The following KLHL5 variants were observed in gnomAD, a reference collection of about 807,000 sequenced individuals.
KLHL5 encodes kelch like family member 5.
A neutral mutation model predicts 77.7 loss-of-function variants in KLHL5; 48 were observed. That is an observed-to-expected ratio of 0.62 (90% CI 0.49 to 0.79). KLHL5 has a LOEUF of 0.79. Among genes scored for constraint, KLHL5 ranks in the 30% least tolerant of loss-of-function variants. KLHL5 has a pLI of 0.00. For missense variants in KLHL5, 723 were observed against 859.7 expected, an observed-to-expected ratio of 0.84 and a Z score of 1.99; for synonymous variants, 260 against 297.0, an observed-to-expected ratio of 0.88 and a Z score of 1.28.
chr4:39,099,689 C>G (rs2566152), intron 6 of KLHL5, among the ~76,000 whole-genome samples: 113,417 of 152,116 alleles, frequency 0.75, 42,302 homozygotes, highest in East Asian at 0.83. Context: ...TACCAAGGAG[C>G]CCTTCCATGA....
upstream of KLHL5, chr4:39,044,999 C>T: frequency 7.1e-6 from 7 of 992,574 alleles, no homozygotes; most frequent in Non-Finnish European, 7.2e-6. Context: ...GCCGAGCATC[C>T]CACTCAGCTC....
In KLHL5 at chr4:39,121,060, A is replaced by C. The variant is rs1723179914; in HGVS notation, c.2124A>C (p.Lys708Asn). The change falls in exon 11 of 11, where the codon AAA (lysine) becomes AAC (asparagine). Residue 708 changes from lysine to asparagine, a missense_variant. Coordinates refer to ENST00000504108, the MANE Select transcript of KLHL5 (RefSeq NM_015990.5). ...CTGGAGCTTGTGTTGTGACTGTAAA[A>C]TTATAATTTAGTGCCCCGTTTTCTA... is the stretch of plus-strand genomic sequence containing the variant. ...GRAGACVVTV[K>N]L 6.2e-7 allele frequency: 1 copy of C among 1,611,962 alleles called. No homozygotes were observed. Among genetic ancestry groups the C allele is most frequent in the Non-Finnish European group, 8.5e-7 (1 of 1,178,198 alleles).
chr4:39,101,879 C>T lies in KLHL5; in HGVS notation c.1301-1408C>T, dbSNP rs559770549. Among the ~76,000 whole-genome samples the T allele has an allele frequency of 6.5e-3, 904 of 138,978 alleles. 8 individuals carry two copies. Among genetic ancestry groups the T allele is most frequent in the East Asian group, 0.01 (48 of 4,576 alleles). The allele number at this position is 138,978 out of a possible 152,430, so 91.2% of individuals were successfully genotyped here. A position where few individuals can be genotyped will look rare whatever the true frequency, so the allele number is the denominator to read the frequency against. On this transcript the variant is annotated intron_variant, in intron 6 of 10. Coordinates refer to ENST00000504108, the MANE Select transcript of KLHL5 (RefSeq NM_015990.5). ...AAAAAAATATATATATATATATATA[C>T]ACACACACACACACACATATACACA...
At chr4:39,106,735 T>C (rs1034731350) in intron 7 of KLHL5, among the ~76,000 whole-genome samples, 2 of 152,354 alleles carry the variant, frequency 1.3e-5, no homozygotes, top group South Asian at 4.1e-4. Context: ...TTTCCACTGT[T>C]GTACCTAAAA....
In KLHL5 at chr4:39,103,364, C is replaced by T; in HGVS notation, c.1378C>T (p.Gln460Ter). The T allele has an allele frequency of 6.2e-7, 1 of 1,614,072 alleles. No homozygotes were observed. The change falls in exon 7 of 11, where the codon CAG becomes TAG. Residue 460 changes from glutamine to a stop codon, truncating the protein, a stop_gained. Coordinates refer to ENST00000504108, the MANE Select transcript of KLHL5 (RefSeq NM_015990.5). LOFTEE classifies it high-confidence loss of function. ...PVANMNGRRL[Q>*]FGVAVLDDKL... ...AGCAAATATGAATGGGAGGAGGCTA[C>T]AGTTCGGTGTTGCAGTGCTAGATGA...
chr4:39,104,971 T>A (rs1964348), intron 7 of KLHL5, among the ~76,000 whole-genome samples: 3 of 151,306 alleles, frequency 2.0e-5, no homozygotes, highest in Non-Finnish European at 3.0e-5. Flanking sequence ...CACCATGTTG[T>A]CCAGGATGGT....
Position 39,115,292 on chromosome 4 carries a change from G to C in KLHL5, c.2035G>C (p.Val679Leu), listed in dbSNP as rs759039552. 1 of 1,613,826 alleles carries C rather than the reference G, an allele frequency of 6.2e-7. No homozygotes were observed. Among genetic ancestry groups the C allele is most frequent in the Non-Finnish European group, 8.5e-7 (1 of 1,179,932 alleles). ...GYDGQAYLNTVEAYDPQTNEW... is the reference protein window; with the variant it reads ...GYDGQAYLNTLEAYDPQTNEW... ...TGATGGACAGGCATACCTTAATACT[G>C]TGGAGGCTTATGATCCCCAGACAAA... The change falls in exon 10 of 11, where the codon GTG becomes CTG. Residue 679 changes from valine to leucine, a missense_variant. This residue lies in a region of KLHL5 where 214 missense variants were observed against 237.4 expected (regional missense o/e 0.90). Transcript: ENST00000504108.
At position 39,103,482 on chromosome 4, in the gene KLHL5, C is replaced by T; in HGVS notation, c.1496C>T (p.Pro499Leu). The change falls in exon 7 of 11, where the codon CCA (proline) becomes CTA (leucine). Residue 499 changes from proline to leucine, a missense_variant. Physicochemically the swap from Pro to Leu is moderately conservative, Grantham distance 98 (BLOSUM62 -3). Around this residue, in one of 3 missense-constraint regions of KLHL5, gnomAD observed 288 missense variants for 400.3 expected, o/e 0.72. Coordinates refer to ENST00000504108, the MANE Select transcript of KLHL5 (RefSeq NM_015990.5). Reference protein sequence around the residue: ...NPKTKTWSVMPPMSTHRHGLG... With the variant: ...NPKTKTWSVMLPMSTHRHGLG... ...AAAACAAAAACTTGGAGTGTGATGC[C>T]ACCTATGTCCACACATAGACATGGC... 6.2e-7 allele frequency: 1 copy of T among 1,614,054 alleles called. No individual in the cohort carries two copies. Among genetic ancestry groups the T allele is most frequent in the Non-Finnish European group, 8.5e-7 (1 of 1,179,930 alleles).
rs1433994118 is a variant in KLHL5, at chr4:39,070,944, C to T, written c.384-5021C>T. On this transcript the variant is annotated intron_variant, in intron 1 of 10. Coordinates refer to ENST00000504108, the MANE Select transcript of KLHL5 (RefSeq NM_015990.5). Reference sequence around the variant, plus strand: ...AACACTAGCCCATACTGATCTTCCCCTTTTCTGTATTCCAGTAGCAATTAT... The same window carrying T: ...AACACTAGCCCATACTGATCTTCCCTTTTTCTGTATTCCAGTAGCAATTAT... Among the ~76,000 whole-genome samples, 5 of 152,098 alleles carry T rather than the reference C, an allele frequency of 3.3e-5. No homozygotes were observed. The East Asian group carries it at 9.6e-4, about 29-fold the overall frequency.
chr4:39,079,273 A>C (rs988676697), intron 2 of KLHL5, among the ~76,000 whole-genome samples: 2 of 152,134 alleles, frequency 1.3e-5, no homozygotes, highest in Non-Finnish European at 2.9e-5. Flanking sequence ...TTAAAGTGGA[A>C]CTCAGATTCA....
chr4:39,115,223 G>A lies in KLHL5; in HGVS notation c.1966G>A (p.Gly656Arg), dbSNP rs764703735. 3.7e-6 allele frequency: 6 copies of A among 1,613,940 alleles called. No homozygotes were observed. Reference protein sequence around the residue: ...ASMSISRDAVGVCLLGDKLYA... With the variant: ...ASMSISRDAVRVCLLGDKLYA... ...CATGAGCATCAGCAGAGATGCAGTG[G>A]GGGTCTGTTTACTTGGTGATAAGTT... The change falls in exon 10 of 11, where the codon GGG (glycine) becomes AGG (arginine). Residue 656 changes from glycine (G) to arginine (R), a missense_variant. Transcript: ENST00000504108.
chr4:39,083,082 T>G (rs1178728172), intron 4 of KLHL5, among the ~76,000 whole-genome samples: 1 of 152,136 alleles, frequency 6.6e-6, no homozygotes, highest in Non-Finnish European at 1.5e-5. Flanking sequence ...ATTTAAGAAA[T>G]GTTATTTTGC....
intron 8 of KLHL5, chr4:39,112,739 T>TA (rs1722536065): frequency 2.7e-6 from 1 of 372,886 alleles, no homozygotes; most frequent in Non-Finnish European, 4.9e-6. Context: ...CCATGCATAT[T>TA]ACAACCAATG....
chr4:39,095,736 A>G (rs1577707889), intron 5 of KLHL5, among the ~76,000 whole-genome samples: 1 of 152,122 alleles, frequency 6.6e-6, no homozygotes, highest in South Asian at 2.1e-4. Context: ...TATTAAAAAG[A>G]ATAAATCAGA....
chr4:39,059,705 G>A (rs113946095), upstream of KLHL5, among the ~76,000 whole-genome samples: 1,971 of 152,112 alleles, frequency 0.013, 36 homozygotes, highest in African/African-American at 0.044. Context: ...CCGGGATCAC[G>A]CCACTGCACT....
chr4:39,093,916 A>AAC (rs1339723300), intron 5 of KLHL5, among the ~76,000 whole-genome samples: 2 of 152,152 alleles, frequency 1.3e-5, no homozygotes, highest in Admixed American at 1.3e-4. Context: ...AAAAAAAAAA[A>AAC]ATCTATGGAA....
At chr4:39,130,105 C>T (rs761297085), downstream of KLHL5, among the ~76,000 whole-genome samples, 25 of 152,236 alleles carry the variant, frequency 1.6e-4, no homozygotes, top group Admixed American at 4.6e-4. Flanking sequence ...AAGACATATA[C>T]GCAGAAATAT....
chr4:39,125,863 A>G lies in KLHL5; in HGVS notation c.*4797A>G, dbSNP rs1029964020. Among the ~76,000 whole-genome samples, 1 of 152,254 alleles carries G rather than the reference A, an allele frequency of 6.6e-6. No individual in the cohort carries two copies. The highest frequency in any genetic ancestry group is 2.4e-5 in the African/African-American group (1 of 41,464). ...ATTTTTAAAAAGCTTTATTAGCTAC[A>G]TTATGTTATGATACTTAAATGTCAT... On this transcript the variant is annotated 3_prime_UTR_variant, in exon 11 of 11. Coordinates refer to ENST00000504108, the MANE Select transcript of KLHL5 (RefSeq NM_015990.5).
the KLHL5 span, among the ~76,000 whole-genome samples, chr4:39,141,493 A>AGCCAG: frequency 6.6e-6 from 1 of 151,956 alleles, no homozygotes; most frequent in African/African-American, 2.4e-5. Context: ...TTGTATTTTT[A>AGCCAG]GTAGAGACGG....
Sources: allele counts gnomAD v4.1 joint callset (sites outside exome capture counted in the v4.1 genomes callset), GRCh38; gene constraint gnomAD v4.1.1; regional missense constraint gnomAD v4.1.1; transcripts MANE v1.5; gene names NCBI Gene and HGNC (gene_info 2026-07-23, HGNC 2026-07-21).